The following TAMM41 variants were observed in gnomAD, a reference collection of about 807,000 sequenced individuals.
The protein encoded by TAMM41 is TAM41 mitochondrial translocator assembly and maintenance homolog.
In TAMM41, 36 loss-of-function variants were observed where a neutral mutation model predicts 44.1. The observed-to-expected ratio is 0.82, with a 90% CI of 0.63 to 1.08. The LOEUF is 1.08. Ranked by LOEUF, TAMM41 falls within the 50% of genes least tolerant of loss-of-function variation. The probability of loss-of-function intolerance (pLI) is 0.00; values close to 1 mark genes in which losing one functional copy is unlikely to be tolerated. For missense variants in TAMM41, 417 were observed against 404.3 expected (o/e 1.03, Z -0.27); for synonymous variants, 164 against 153.1 (o/e 1.07, Z -0.53).
chr3:11,835,990 C>CA (rs1553584792), intron 3 of TAMM41, among the ~76,000 whole-genome samples: 2 of 137,898 alleles, frequency 1.5e-5, no homozygotes, highest in Non-Finnish European at 3.1e-5. Flanking sequence ...ATTCCTTTTC[C>CA]TTTTTTTTTT....
the TAMM41 span, among the ~76,000 whole-genome samples, chr3:11,724,387 G>A: frequency 6.6e-6 from 1 of 150,660 alleles, no homozygotes; most frequent in Non-Finnish European, 1.5e-5. Flanking sequence ...ACAGGCATGA[G>A]CCACCGCACC....
At chr3:11,776,917 G>A in the TAMM41 span, among the ~76,000 whole-genome samples, 4 of 152,230 alleles carry the variant, frequency 2.6e-5, no homozygotes, top group African/African-American at 4.8e-5. Context: ...GACAAAGACT[G>A]TGTGATCTCA....
intron 7 of TAMM41, among the ~76,000 whole-genome samples, chr3:11,803,391 C>CA (rs796424953): frequency 1.0e-3 from 146 of 146,242 alleles, no homozygotes; most frequent in South Asian, 2.6e-3. Flanking sequence ...CTCTGTCTCA[C>CA]AAAAAAAAAC....
At position 11,839,395 on chromosome 3, in the gene TAMM41, AT is replaced by A. The variant is rs1175523340; in HGVS notation, c.319-82del. 6.4e-6 allele frequency: 6 copies of A among 943,174 alleles called. No individual in the cohort carries two copies. The African/African-American group carries it at 1.0e-4, about 16-fold the overall frequency. 58.4% of individuals were successfully genotyped at this position (943,174 alleles called of 1,614,324 possible). ...ACAAGTATAAAATATAAGGAAACAG[AT>A]AAAATTCTTGACCAGAGCAGTACCT... On this transcript the variant is annotated intron_variant, in intron 2 of 7. Coordinates refer to ENST00000455809, the MANE Select transcript of TAMM41 (RefSeq NM_001284401.2).
At chr3:11,741,680 T>C in the TAMM41 span, among the ~76,000 whole-genome samples, 1 of 150,354 alleles carries the variant, frequency 6.7e-6, no homozygotes, top group Admixed American at 6.6e-5. Context: ...GTTTTTACCA[T>C]AGATCTTGGC....
At chr3:11,743,196 G>C in the TAMM41 span, among the ~76,000 whole-genome samples, 1 of 152,070 alleles carries the variant, frequency 6.6e-6, no homozygotes, top group Admixed American at 6.6e-5. Context: ...AGTGAGCTTC[G>C]GGGTCTATAC....
intron 6 of TAMM41, chr3:11,808,705 G>T: frequency 1.2e-6 from 1 of 806,762 alleles, no homozygotes; most frequent in Non-Finnish European, 1.5e-6. Flanking sequence ...GTTAGTCTCT[G>T]AAGATAAGGT....
intron 7 of TAMM41, among the ~76,000 whole-genome samples, chr3:11,801,555 G>A (rs935711396): frequency 6.6e-6 from 1 of 152,004 alleles, no homozygotes; most frequent in Non-Finnish European, 1.5e-5. Flanking sequence ...CAAACTCCTA[G>A]GCTCAAGCAA....
intron 3 of TAMM41, among the ~76,000 whole-genome samples, chr3:11,831,028 G>A (rs969095659): frequency 1.3e-5 from 2 of 152,152 alleles, no homozygotes; most frequent in Non-Finnish European, 2.9e-5. Flanking sequence ...TCAGTAAAAT[G>A]GAGTAAATAA....
chr3:11,744,520 C>T, the TAMM41 span, among the ~76,000 whole-genome samples: 1 of 151,762 alleles, frequency 6.6e-6, no homozygotes. Flanking sequence ...CATGGTGAAA[C>T]CCCATTTCTA....
At chr3:11,844,585 C>A (rs1188587028) in intron 1 of TAMM41, among the ~76,000 whole-genome samples, 1 of 152,176 alleles carries the variant, frequency 6.6e-6, no homozygotes, top group Non-Finnish European at 1.5e-5. Flanking sequence ...AGTGGCAGAC[C>A]TAAGAGGTCT....
the TAMM41 span, among the ~76,000 whole-genome samples, chr3:11,728,907 C>G: frequency 7.1e-3 from 1,081 of 151,520 alleles, 13 homozygotes; most frequent in African/African-American, 0.024. Flanking sequence ...ACTTGAGAGG[C>G]TGAGGCAGGA....
At chr3:11,833,023 C>G in intron 3 of TAMM41, 1 of 1,072,418 alleles carries the variant, frequency 9.3e-7, no homozygotes, top group Non-Finnish European at 1.1e-6. Context: ...AATGTCAGTT[C>G]GGAAGATTCT....
chr3:11,801,290 T>C (rs182925710), intron 7 of TAMM41, among the ~76,000 whole-genome samples: 4 of 152,198 alleles, frequency 2.6e-5, no homozygotes, highest in Admixed American at 2.0e-4. Flanking sequence ...TTAAACAGCA[T>C]GCCCCTAAAT....
the TAMM41 span, among the ~76,000 whole-genome samples, chr3:11,732,194 C>T: frequency 3.3e-5 from 5 of 152,246 alleles, no homozygotes; most frequent in East Asian, 5.8e-4. Context: ...TTCCTTCCTC[C>T]ATGTCTCCCT....
chr3:11,768,225 C>T, the TAMM41 span, among the ~76,000 whole-genome samples: 1 of 151,938 alleles, frequency 6.6e-6, no homozygotes, highest in African/African-American at 2.4e-5. Flanking sequence ...CAACCTCTGC[C>T]TCCAGGGCTC....
At position 11,809,663 on chromosome 3, in the gene TAMM41, C is replaced by A. The variant is rs2078027095; in HGVS notation, c.728G>T (p.Gly243Val). ...GWLEIDKSPE[G>V]QFTQLMTLPK... ...CAATGTCATCAGCTGAGTGAACTGT[C>A]CTTCTGGGCTTTTATCTATCTGAAG... Residue 243 changes from glycine to valine, a missense_variant, in exon 6 of 8, where the codon GGA becomes GTA. Physicochemically the swap from Gly to Val is moderately radical, Grantham distance 109. Coordinates refer to ENST00000455809, the MANE Select transcript of TAMM41 (RefSeq NM_001284401.2). 6.2e-7 allele frequency: 1 copy of A among 1,612,268 alleles called. No individual in the cohort carries two copies.
chr3:11,815,789 G>T (rs1420162343), intron 5 of TAMM41, among the ~76,000 whole-genome samples: 1 of 152,038 alleles, frequency 6.6e-6, no homozygotes, highest in African/African-American at 2.4e-5. Flanking sequence ...AAAAAATCAA[G>T]AAATAATAGT....
In TAMM41 at chr3:11,846,484, G is replaced by A. The variant is rs2079698294; in HGVS notation, c.135+18C>T. Reference sequence around the variant, plus strand: ...GTGAGAACAGACAGTTCCCCGTCGTGGGGCTGCCCGGGCTCACCTTCTGGT... The same window carrying A: ...GTGAGAACAGACAGTTCCCCGTCGTAGGGCTGCCCGGGCTCACCTTCTGGT... On this transcript the variant is annotated intron_variant, in intron 1 of 7. Coordinates refer to ENST00000455809, the MANE Select transcript of TAMM41 (RefSeq NM_001284401.2). 1 of 1,614,018 alleles carries A rather than the reference G, an allele frequency of 6.2e-7. No homozygotes were observed. The highest frequency in any genetic ancestry group is 8.5e-7 in the Non-Finnish European group (1 of 1,179,956).
Sources: allele counts gnomAD v4.1 joint callset (sites outside exome capture counted in the v4.1 genomes callset), GRCh38; gene constraint gnomAD v4.1.1; transcripts MANE v1.5; gene names NCBI Gene and HGNC (gene_info 2026-07-23, HGNC 2026-07-21).